ZMIZ1: variants seen among roughly 807,000 people sequenced by gnomAD.
ZMIZ1 encodes zinc finger MIZ domain-containing protein 1.
A neutral mutation model predicts 113.9 loss-of-function variants in ZMIZ1; 17 were observed. The observed-to-expected ratio is 0.15, with a 90% CI of 0.10 to 0.22. The LOEUF (loss-of-function observed/expected upper bound fraction) is 0.22, where lower values mean the gene tolerates loss of function less well. Among genes scored for constraint, ZMIZ1 ranks in the 10% least tolerant of loss-of-function variants. The probability of loss-of-function intolerance (pLI) is 1.00; values close to 1 mark genes in which losing one functional copy is unlikely to be tolerated. For missense variants in ZMIZ1, 1,059 were observed against 1,477.8 expected, an observed-to-expected ratio of 0.72 and a Z score of 4.65; for synonymous variants, 607 against 603.1, an observed-to-expected ratio of 1.01 and a Z score of -0.09.
intron 7 of ZMIZ1, among the ~76,000 whole-genome samples, chr10:79,220,158 T>G (rs1386386571): frequency 6.6e-6 from 1 of 152,134 alleles, no homozygotes; most frequent in Non-Finnish European, 1.5e-5. Flanking sequence ...GAGAGCTGAT[T>G]TGCCCACCTC....
At chr10:79,166,643 C>T (rs1846360085) in intron 4 of ZMIZ1, among the ~76,000 whole-genome samples, 1 of 152,252 alleles carries the variant, frequency 6.6e-6, no homozygotes, top group Non-Finnish European at 1.5e-5. Context: ...CATCTCCCTC[C>T]AGCATTAATG....
Position 79,312,912 on chromosome 10 carries a change from G to A in ZMIZ1, c.*163G>A, listed in dbSNP as rs1589627914. On this transcript the variant is annotated 3_prime_UTR_variant, in exon 25 of 25. Coordinates refer to ENST00000334512, the MANE Select transcript of ZMIZ1 (RefSeq NM_020338.4). ...GCTGCAGCCCTCTCAGAACAGAGGG[G>A]TAGGGAGGGTGCACCAGTGCACCAG... 1.6e-6 allele frequency: 1 copy of A among 635,260 alleles called. No individual in the cohort carries two copies. The highest frequency in any genetic ancestry group is 2.7e-5 in the East Asian group (1 of 36,510). The allele number at this position is 635,260 out of a possible 1,614,324, so 39.4% of individuals were successfully genotyped here.
intron 4 of ZMIZ1, among the ~76,000 whole-genome samples, chr10:79,166,369 C>T (rs529754263): frequency 9.8e-5 from 15 of 152,376 alleles, no homozygotes; most frequent in African/African-American, 3.4e-4. Context: ...CTCCCTCCCA[C>T]CCTGCTCTTT....
intron 1 of ZMIZ1, among the ~76,000 whole-genome samples, chr10:79,080,862 A>G (rs1198086343): frequency 6.6e-6 from 1 of 152,048 alleles, no homozygotes; most frequent in Non-Finnish European, 1.5e-5. Context: ...CCTCCCTCCT[A>G]GCCAGCTCCC....
intron 1 of ZMIZ1, among the ~76,000 whole-genome samples, chr10:79,111,430 A>G (rs1564656580): frequency 6.6e-6 from 1 of 152,208 alleles, no homozygotes; most frequent in Non-Finnish European, 1.5e-5. Context: ...TCCCGGGGAA[A>G]GGTGTACCCT....
intron 8 of ZMIZ1, among the ~76,000 whole-genome samples, chr10:79,279,100 CAG>C (rs1336372991): frequency 6.8e-6 from 1 of 146,846 alleles, no homozygotes; most frequent in Admixed American, 6.7e-5. Context: ...GCTGGCCGGA[CAG>C]GGGCTGCCCC....
chr10:79,159,395 C>T (rs1402920642), intron 3 of ZMIZ1, among the ~76,000 whole-genome samples: 1 of 152,218 alleles, frequency 6.6e-6, no homozygotes, highest in Non-Finnish European at 1.5e-5. Context: ...CCTTTCGCAG[C>T]ATGAGGGGTG....
intron 8 of ZMIZ1, among the ~76,000 whole-genome samples, chr10:79,284,467 C>G (rs746565264): frequency 2.6e-5 from 4 of 152,196 alleles, no homozygotes; most frequent in Admixed American, 6.5e-5. Context: ...GGAATGAAAA[C>G]GGCTCCTCCC....
intron 1 of ZMIZ1, among the ~76,000 whole-genome samples, chr10:79,091,056 GA>G: frequency 6.6e-6 from 1 of 152,278 alleles, no homozygotes; most frequent in South Asian, 2.1e-4. Flanking sequence ...GAGCCCAGAT[GA>G]ATTAATCTCT....
intron 7 of ZMIZ1, among the ~76,000 whole-genome samples, chr10:79,269,472 C>G (rs1181974055): frequency 4.5e-5 from 6 of 133,660 alleles, no homozygotes; most frequent in African/African-American, 6.6e-5. Context: ...CACACACACA[C>G]ACACACACAC....
At chr10:79,274,930 C>T (rs908019105) in intron 7 of ZMIZ1, among the ~76,000 whole-genome samples, 12 of 152,238 alleles carry the variant, frequency 7.9e-5, no homozygotes, top group African/African-American at 2.9e-4. Context: ...GCATGGCAGG[C>T]CAGCCCCCAG....
chr10:79,213,281 T>G (rs1183177692), intron 6 of ZMIZ1, among the ~76,000 whole-genome samples: 1 of 152,190 alleles, frequency 6.6e-6, no homozygotes, highest in African/African-American at 2.4e-5. Context: ...CAGAACTTTC[T>G]GGGGGTCCTC....
At chr10:79,303,839 C>T (rs1465548902) in intron 18 of ZMIZ1, among the ~76,000 whole-genome samples, 176 bp from the exon 19 acceptor site, 3 of 152,232 alleles carry the variant, frequency 2.0e-5, no homozygotes, top group East Asian at 3.8e-4. Context: ...AGCCCGGGCA[C>T]CCGGCCCTGT....
At chr10:79,162,964 C>G (rs1589361593) in intron 4 of ZMIZ1, among the ~76,000 whole-genome samples, 1 of 152,228 alleles carries the variant, frequency 6.6e-6, no homozygotes, top group Admixed American at 6.5e-5. Flanking sequence ...CAGCTCTGTC[C>G]CGTGCCCCAG....
At chr10:79,197,389 G>T (rs1038613625) in intron 4 of ZMIZ1, among the ~76,000 whole-genome samples, 2 of 152,140 alleles carry the variant, frequency 1.3e-5, no homozygotes, top group Non-Finnish European at 2.9e-5. Flanking sequence ...TGCTGAAGGT[G>T]GCACTGTCTT....
At chr10:79,142,373 A>C (rs1845307002) in intron 3 of ZMIZ1, among the ~76,000 whole-genome samples, 1 of 152,158 alleles carries the variant, frequency 6.6e-6, no homozygotes. Context: ...TGAGAGGGTC[A>C]GGAGCCTGAA....
At chr10:79,156,267 C>T (rs1036804120) in intron 3 of ZMIZ1, among the ~76,000 whole-genome samples, 4 of 152,166 alleles carry the variant, frequency 2.6e-5, no homozygotes, top group African/African-American at 9.7e-5. Context: ...TTCAGAGACC[C>T]CCCCGCTGCT....
chr10:79,303,080 A>T (rs1266026), intron 18 of ZMIZ1, among the ~76,000 whole-genome samples: 54,457 of 151,344 alleles, frequency 0.36, 10,408 homozygotes, highest in East Asian at 0.47. Flanking sequence ...CAGGATGGTC[A>T]CAATCTCCTG....
chr10:79,219,042 G>A (rs990675750), intron 7 of ZMIZ1, among the ~76,000 whole-genome samples: 2 of 152,020 alleles, frequency 1.3e-5, no homozygotes, highest in African/African-American at 4.8e-5. Flanking sequence ...TGCACGGGGG[G>A]TGGGGGGACG....
Sources: gnomAD v4.1 joint callset for allele counts (sites outside exome capture counted in the v4.1 genomes callset) on GRCh38, gnomAD v4.1.1 for gene constraint, MANE v1.5 for transcripts, NCBI Gene and HGNC (gene_info 2026-07-23, HGNC 2026-07-21) for gene names.